The following ATCAY variants were observed in gnomAD, a reference collection of about 807,000 sequenced individuals.
ATCAY encodes the protein caytaxin.
A neutral mutation model predicts 47.7 loss-of-function variants in ATCAY; 22 were observed. That is an observed-to-expected ratio of 0.46 (90% CI 0.33 to 0.66). The LOEUF (loss-of-function observed/expected upper bound fraction) is 0.66. ATCAY is among the 30% of genes least tolerant of loss of function. The probability of loss-of-function intolerance (pLI) is 0.02; values close to 1 mark genes in which losing one functional copy is unlikely to be tolerated. For synonymous variants in ATCAY, 216 were observed against 207.6 expected (o/e 1.04, Z -0.35); for missense variants, 452 against 515.0 (o/e 0.88, Z 1.18).
intron 6 of ATCAY, among the ~76,000 whole-genome samples, chr19:3,909,246 A>C (rs1791746105): frequency 6.7e-6 from 1 of 148,576 alleles, no homozygotes; most frequent in South Asian, 2.2e-4. Context: ...CAAAAAAAAA[A>C]AACGACTCAA....
chr19:3,895,716 C>CTTTTTTTTTTTTTTTTTTTTTTTTTT (rs537910730), intron 2 of ATCAY, among the ~76,000 whole-genome samples: 1 of 129,644 alleles, frequency 7.7e-6, no homozygotes. Context: ...CTTTTCTTTT[C>CTTTTTTTTTTTTTTTTTTTTTTTTTT]TTTTTTTTTT....
chr19:3,895,308 G>C (rs1359157490), intron 2 of ATCAY: 2 of 443,956 alleles, frequency 4.5e-6, no homozygotes, highest in Non-Finnish European at 9.1e-6. Context: ...TCCGCTTCCT[G>C]GGTTCAAGCC....
At chr19:3,886,153 G>A (rs1364881423) in intron 2 of ATCAY, among the ~76,000 whole-genome samples, 1 of 152,166 alleles carries the variant, frequency 6.6e-6, no homozygotes, top group African/African-American at 2.4e-5. Context: ...CATTTTAAGA[G>A]TTCTTAACAT....
At position 3,902,431 on chromosome 19, in the gene ATCAY, T is replaced by G. The variant is rs540999842; in HGVS notation, c.78-56T>G. ...ACCTGTCTGGGCCACTCCACTGTCCTCTGCCTGAATCTCTGGTGCCCGGCG... is the reference window on the plus strand; with the variant it reads ...ACCTGTCTGGGCCACTCCACTGTCCGCTGCCTGAATCTCTGGTGCCCGGCG... On this transcript the variant is annotated intron_variant, in intron 2 of 12. Coordinates refer to ENST00000450849, the MANE Select transcript of ATCAY (RefSeq NM_033064.5). 99 of 1,532,014 alleles carry G rather than the reference T, an allele frequency of 6.5e-5. 1 individual carries two copies. The South Asian group carries it at 1.1e-3, about 18-fold the overall frequency. 94.9% of individuals were successfully genotyped at this position (1,532,014 alleles called of 1,614,324 possible). A position where few individuals can be genotyped will look rare whatever the true frequency, so the allele number is the denominator to read the frequency against.
Position 3,913,831 on chromosome 19 carries a change from G to A in ATCAY, c.940G>A (p.Val314Ile), listed in dbSNP as rs1214367792. 1.9e-6 allele frequency: 3 copies of A among 1,613,582 alleles called. No homozygotes were observed. The highest frequency in any genetic ancestry group is 2.5e-6 in the Non-Finnish European group (3 of 1,179,808). Residue 314 changes from valine to isoleucine, a missense_variant, in exon 9 of 13, where the codon GTC becomes ATC. Transcript: ENST00000450849. ...DLEQLIPMEH[V>I]QIPDCVLQYE... Reference sequence around the variant, plus strand: ...GGAGCAACTCATCCCTATGGAACACGTCCAGATCCCAGACTGCGTCCTGCA... The same window carrying A: ...GGAGCAACTCATCCCTATGGAACACATCCAGATCCCAGACTGCGTCCTGCA...
At position 3,924,836 on chromosome 19, in the gene ATCAY, C is replaced by T; in HGVS notation, c.*244C>T. 2.0e-6 allele frequency: 1 copy of T among 512,222 alleles called. No individual in the cohort carries two copies. The highest frequency in any genetic ancestry group is 3.3e-5 in the East Asian group (1 of 30,590). The allele number at this position is 512,222 out of a possible 1,614,324, so 31.7% of individuals were successfully genotyped here. A position where few individuals can be genotyped will look rare whatever the true frequency, so the allele number is the denominator to read the frequency against. Reference sequence around the variant, plus strand: ...GAAAAGGGCCCAGCTCTGAGCCCCTCACCCTTCCACACTCACGAACTCTCA... The same window carrying T: ...GAAAAGGGCCCAGCTCTGAGCCCCTTACCCTTCCACACTCACGAACTCTCA... On this transcript the variant is annotated 3_prime_UTR_variant, in exon 13 of 13. Coordinates refer to ENST00000450849, the MANE Select transcript of ATCAY (RefSeq NM_033064.5).
intron 2 of ATCAY, among the ~76,000 whole-genome samples, chr19:3,889,068 G>C (rs2038690539): frequency 6.6e-6 from 1 of 152,112 alleles, no homozygotes; most frequent in Admixed American, 6.6e-5. Context: ...CCAGGAGTTT[G>C]AGATTAGCCT....
chr19:3,910,959 A>C, intron 8 of ATCAY, 70 bp downstream of exon 8: 2 of 1,527,440 alleles, frequency 1.3e-6, no homozygotes, highest in Non-Finnish European at 1.8e-6. Context: ...GTATGCATGC[A>C]TTTGTGTGTG....
intron 2 of ATCAY, 102 bp downstream of exon 2, chr19:3,885,946 G>C (rs374126058): frequency 5.8e-6 from 7 of 1,202,568 alleles, no homozygotes; most frequent in Non-Finnish European, 8.4e-6. Flanking sequence ...GGAACCGCCC[G>C]GGGCTGGCCT....
intron 2 of ATCAY, among the ~76,000 whole-genome samples, chr19:3,896,793 T>C (rs541101393): frequency 6.6e-6 from 1 of 152,096 alleles, no homozygotes; most frequent in African/African-American, 2.4e-5. Context: ...TTTGTTTGTT[T>C]TGAGACGGAG....
At chr19:3,905,179 T>C (rs1599287178) in intron 3 of ATCAY, among the ~76,000 whole-genome samples, 1 of 152,114 alleles carries the variant, frequency 6.6e-6, no homozygotes, top group Non-Finnish European at 1.5e-5. Flanking sequence ...TTTGAACTCA[T>C]GTCTGCCCAA....
At chr19:3,895,716 C>CTTTTTTTTTTTTTTTTTTTTTT (rs537910730) in intron 2 of ATCAY, among the ~76,000 whole-genome samples, 15 of 129,658 alleles carry the variant, frequency 1.2e-4, no homozygotes, top group Non-Finnish European at 1.5e-4. Context: ...CTTTTCTTTT[C>CTTTTTTTTTTTTTTTTTTTTTT]TTTTTTTTTT....
intron 2 of ATCAY, among the ~76,000 whole-genome samples, chr19:3,892,036 CCCA>C (rs1339756808): frequency 6.6e-6 from 1 of 151,730 alleles, no homozygotes; most frequent in Non-Finnish European, 1.5e-5. Flanking sequence ...TTTACAGGCG[CCCA>C]CCACCACGCC....
At position 3,907,317 on chromosome 19, in the gene ATCAY, A is replaced by G. The variant is rs1206725446; in HGVS notation, c.359-417A>G. Among the ~76,000 whole-genome samples, 1 of 151,630 alleles carries G rather than the reference A, an allele frequency of 6.6e-6. No homozygotes were observed. ...AAATTAGCTGGGTGTGGTGGTGCAC[A>G]ACTGTAGTCCCAGGTATCTGGGAGG... On this transcript the variant is annotated intron_variant, in intron 4 of 12. Coordinates refer to ENST00000450849, the MANE Select transcript of ATCAY (RefSeq NM_033064.5). The surrounding 1 kb of genome is among the most constrained non-coding windows in gnomAD (Gnocchi z 5.1).
chr19:3,890,247 ATTTTTTTTTTTTTTT>A (rs764697276), intron 2 of ATCAY, among the ~76,000 whole-genome samples: 7 of 38,552 alleles, frequency 1.8e-4, no homozygotes, highest in African/African-American at 5.3e-4. Context: ...TCCACCTATA[ATTTTTTTTTTTTTTT>A]TTTTTTTTTT....
Position 3,885,736 on chromosome 19 carries a change from C to G in ATCAY, c.-32C>G, listed in dbSNP as rs1241133703. The G allele has an allele frequency of 1.3e-6, 2 of 1,546,596 alleles. No individual in the cohort carries two copies. Among genetic ancestry groups the G allele is most frequent in the Non-Finnish European group, 8.7e-7 (1 of 1,143,538 alleles). The stretch of plus-strand genomic sequence containing the variant: ...TGCGGCTTCCTTTCAGGGGTCATCC[C>G]TGCTTCAAGCCAGTGCCTCTTCCCA... On this transcript the variant is annotated 5_prime_UTR_variant, in exon 2 of 13. Coordinates refer to ENST00000450849, the MANE Select transcript of ATCAY (RefSeq NM_033064.5).
chr19:3,884,453 T>C (rs1377546746), intron 1 of ATCAY, among the ~76,000 whole-genome samples: 1 of 151,986 alleles, frequency 6.6e-6, no homozygotes, highest in Non-Finnish European at 1.5e-5. Flanking sequence ...GCCTGGTACA[T>C]ATGGCAGATA....
chr19:3,921,729 C>G (rs1294108980), intron 12 of ATCAY, among the ~76,000 whole-genome samples: 1 of 152,064 alleles, frequency 6.6e-6, no homozygotes, highest in Non-Finnish European at 1.5e-5. Flanking sequence ...GAAACCCCAT[C>G]TCTACTAAAA....
intron 8 of ATCAY, 143 bp from the exon 9 acceptor site, chr19:3,913,615 G>A (rs767269161): frequency 4.7e-6 from 3 of 634,948 alleles, no homozygotes; most frequent in Non-Finnish European, 8.6e-6. Flanking sequence ...TCATCGGGCG[G>A]GAGGGAGGTG....
Sources: allele counts gnomAD v4.1 joint callset (sites outside exome capture counted in the v4.1 genomes callset), GRCh38; gene constraint gnomAD v4.1.1; non-coding constraint Gnocchi (gnomAD v3.1); transcripts MANE v1.5; gene names NCBI Gene and HGNC (gene_info 2026-07-23, HGNC 2026-07-21).